The following CACNA1E variants were observed in gnomAD, a reference collection of about 807,000 sequenced individuals.
CACNA1E encodes calcium voltage-gated channel subunit alpha1 E.
A neutral mutation model predicts 259.2 loss-of-function variants in CACNA1E; 40 were observed. That is an observed-to-expected ratio of 0.15 (90% CI 0.12 to 0.20). The LOEUF is 0.20. CACNA1E is among the 10% of genes least tolerant of loss of function. The pLI is 1.00. For missense variants in CACNA1E, 1,874 were observed against 3,040.1 expected (o/e 0.62, Z 9.02); for synonymous variants, 1,104 against 1,138.5 (o/e 0.97, Z 0.61).
At chr1:181,543,007 T>C (rs762032379) in intron 3 of CACNA1E, among the ~76,000 whole-genome samples, 9 of 139,498 alleles carry the variant, frequency 6.5e-5, no homozygotes, top group Admixed American at 1.5e-4. Context: ...CGTAGTCCAT[T>C]GTTTCCTAAA....
At chr1:181,523,767 AAAG>A (rs566259687) in intron 3 of CACNA1E, among the ~76,000 whole-genome samples, 78 of 152,362 alleles carry the variant, frequency 5.1e-4, no homozygotes, top group Non-Finnish European at 8.7e-4. Context: ...CATTGATATG[AAAG>A]AAGGAGATGA....
chr1:181,670,500 G>T (rs183754292), intron 7 of CACNA1E, among the ~76,000 whole-genome samples: 104 of 152,260 alleles, frequency 6.8e-4, no homozygotes, highest in African/African-American at 2.4e-3. Context: ...ATGCAAGAGA[G>T]CACTGAGATG....
chr1:181,736,246 C>T (rs1656018960), intron 21 of CACNA1E, 29 bp from the exon 22 acceptor site: 2 of 1,558,062 alleles, frequency 1.3e-6, no homozygotes, highest in East Asian at 2.4e-5. Context: ...CTCATGATTT[C>T]TGAAGATTTC....
At chr1:181,373,744 C>G (rs1364778227) in intron 1 of CACNA1E, among the ~76,000 whole-genome samples, 1 of 151,926 alleles carries the variant, frequency 6.6e-6, no homozygotes, top group Non-Finnish European at 1.5e-5. Context: ...TCACCGTGGT[C>G]TCGATCTCCT....
chr1:181,470,838 C>T (rs2102411051), intron 2 of CACNA1E, among the ~76,000 whole-genome samples: 1 of 152,302 alleles, frequency 6.6e-6, no homozygotes, highest in East Asian at 1.9e-4. Context: ...CCTTGAAACT[C>T]TCCTCAACTA....
chr1:181,609,359 T>C (rs1215986114), intron 6 of CACNA1E, among the ~76,000 whole-genome samples: 1 of 152,182 alleles, frequency 6.6e-6, no homozygotes, highest in Non-Finnish European at 1.5e-5. Context: ...TTCAAGCCTC[T>C]TGCTTTGAGA....
chr1:181,458,647 TG>T (rs985517088), intron 2 of CACNA1E, among the ~76,000 whole-genome samples: 72 of 152,364 alleles, frequency 4.7e-4, no homozygotes, highest in African/African-American at 1.7e-3. Context: ...ATCTGGCAGC[TG>T]GGACTCTCCA....
intron 6 of CACNA1E, among the ~76,000 whole-genome samples, chr1:181,607,817 C>T (rs1169584131): frequency 6.6e-6 from 1 of 151,994 alleles, no homozygotes; most frequent in Non-Finnish European, 1.5e-5. Flanking sequence ...AGGAATGAGG[C>T]TGGAAAGATG....
intron 3 of CACNA1E, among the ~76,000 whole-genome samples, chr1:181,522,438 T>C (rs1383149080): frequency 6.6e-6 from 1 of 152,252 alleles, no homozygotes; most frequent in Non-Finnish European, 1.5e-5. Flanking sequence ...AATGCTTTGC[T>C]GAGAACATTG....
intron 2 of CACNA1E, among the ~76,000 whole-genome samples, chr1:181,413,988 AT>A (rs1355656315): frequency 6.6e-6 from 1 of 152,198 alleles, no homozygotes; most frequent in East Asian, 1.9e-4. Flanking sequence ...TGCCTTTTTA[AT>A]ATCCTCCTTG....
At chr1:181,487,050 A>AGGTTGTTC (rs2102486329) in intron 1 of CACNA1E, among the ~76,000 whole-genome samples, 1 of 150,478 alleles carries the variant, frequency 6.6e-6, no homozygotes, top group East Asian at 1.9e-4. Flanking sequence ...TAAGAAAGGA[A>AGGTTGTTC]GGTTGTTCAG....
intron 3 of CACNA1E, among the ~76,000 whole-genome samples, chr1:181,547,562 G>A (rs1418244930): frequency 1.3e-5 from 2 of 152,170 alleles, no homozygotes; most frequent in Admixed American, 6.5e-5. Context: ...TACACACTAG[G>A]TTATTCCAGG....
intron 1 of CACNA1E, among the ~76,000 whole-genome samples, chr1:181,342,813 G>A (rs1652271854): frequency 6.6e-6 from 1 of 152,154 alleles, no homozygotes; most frequent in South Asian, 2.1e-4. Flanking sequence ...AACTGGTGAT[G>A]TTCTATTTCT....
chr1:181,392,481 A>AAAATATTTC (rs151096120), intron 1 of CACNA1E, among the ~76,000 whole-genome samples: 1,651 of 152,292 alleles, frequency 0.011, 30 homozygotes, highest in African/African-American at 0.036. Context: ...TACCTCTCCA[A>AAAATATTTC]AAATATTTCA....
intron 1 of CACNA1E, among the ~76,000 whole-genome samples, chr1:181,334,339 TATCCA>T (rs980514325): frequency 7.2e-5 from 11 of 152,210 alleles, no homozygotes; most frequent in African/African-American, 2.7e-4. Context: ...TATAATCACT[TATCCA>T]AGGTCCAGAT....
intron 1 of CACNA1E, among the ~76,000 whole-genome samples, chr1:181,331,912 G>C (rs1444759277): frequency 6.6e-6 from 1 of 151,992 alleles, no homozygotes; most frequent in Non-Finnish European, 1.5e-5. Flanking sequence ...CTTATTTCTG[G>C]GTTCTCTATT....
chr1:181,340,063 T>G (rs1652031489), intron 1 of CACNA1E, among the ~76,000 whole-genome samples: 1 of 151,876 alleles, frequency 6.6e-6, no homozygotes, highest in Non-Finnish European at 1.5e-5. Flanking sequence ...ACTTTTTTTT[T>G]TTACTTCTAG....
intron 6 of CACNA1E, among the ~76,000 whole-genome samples, chr1:181,602,048 C>T (rs961043209): frequency 3.9e-5 from 6 of 152,226 alleles, no homozygotes; most frequent in African/African-American, 7.2e-5. Context: ...GGTCTTTACT[C>T]GGTGAGTTCT....
chr1:181,782,054 T>C (rs556017073), intron 39 of CACNA1E, among the ~76,000 whole-genome samples: 2 of 152,298 alleles, frequency 1.3e-5, no homozygotes, highest in African/African-American at 4.8e-5. Flanking sequence ...ACCCATGACA[T>C]AGGAAGAATG....
Sources: gnomAD v4.1 joint callset for allele counts (sites outside exome capture counted in the v4.1 genomes callset) on GRCh38, gnomAD v4.1.1 for gene constraint, MANE v1.5 for transcripts, NCBI Gene and HGNC (gene_info 2026-07-23, HGNC 2026-07-21) for gene names.